OTC: variants seen among roughly 807,000 people sequenced by gnomAD.
The protein encoded by OTC is ornithine transcarbamylase.
OTC carries 3 observed loss-of-function variants against 30.3 expected under a neutral mutation model. The observed-to-expected ratio is 0.10, with a 90% confidence interval of 0.05 to 0.26. The LOEUF is 0.26. Among genes scored for constraint, OTC ranks in the 10% least tolerant of loss-of-function variants. The pLI, the probability that OTC is intolerant of heterozygous loss-of-function variation, is 1.00. For missense variants in OTC, 194 were observed against 260.3 expected (o/e 0.75, Z 1.75); for synonymous variants, 111 against 99.7 (o/e 1.11, Z -0.67).
intron 3 of OTC, among the ~76,000 whole-genome samples, chrX:38,372,283 T>G (rs1261050700): frequency 8.9e-6 from 1 of 111,763 alleles, no homozygotes; most frequent in African/African-American, 3.2e-5. Flanking sequence ...TCAATCCTCA[T>G]GGCAACTCTG....
intron 4 of OTC, among the ~76,000 whole-genome samples, chrX:38,399,960 C>A (rs1375979053): frequency 9.0e-6 from 1 of 111,401 alleles, no homozygotes; most frequent in East Asian, 2.8e-4. Flanking sequence ...TGTGGAGAAG[C>A]TTCCATCAGA....
At chrX:38,417,969 C>G (rs913461828) in intron 9 of OTC, among the ~76,000 whole-genome samples, 1 of 111,915 alleles carries the variant, frequency 8.9e-6, no homozygotes, top group Non-Finnish European at 1.9e-5. Flanking sequence ...TATCCCTGCA[C>G]CAGATTGGTT....
At chrX:38,367,477 T>G (rs765197868) in intron 2 of OTC, 48 bp downstream of exon 2, 1 of 1,093,976 alleles carries the variant, frequency 9.1e-7, no homozygotes, top group Admixed American at 2.3e-5. Context: ...GTCCCCTTTT[T>G]TTAAAGGCAG....
intron 1 of OTC, among the ~76,000 whole-genome samples, chrX:38,358,171 G>C (rs1284026749): frequency 9.0e-6 from 1 of 110,880 alleles, no homozygotes; most frequent in Non-Finnish European, 1.9e-5. Flanking sequence ...GAGGTCTCTA[G>C]GGGGAACTTA....
rs2068594978 is a variant in OTC, at chrX:38,421,380, T to G, written c.*298T>G. On this transcript the variant is annotated 3_prime_UTR_variant, in exon 10 of 10. Coordinates refer to ENST00000039007, the MANE Select transcript of OTC (RefSeq NM_000531.6). ...TCAACATAAAATACTGTGTTCATAA[T>G]GTATAATGTCTAAGCCATTAAGTGT... 3.6e-6 allele frequency: 1 copy of G among 275,697 alleles called. No individual in the cohort carries two copies. The highest frequency in any genetic ancestry group is 4.5e-5 in the South Asian group (1 of 22,411). The allele number at this position is 275,697 out of a possible 1,213,427, so 22.7% of individuals were successfully genotyped here.
upstream of OTC, among the ~76,000 whole-genome samples, chrX:38,349,599 C>T (rs1014806799): frequency 1.8e-5 from 2 of 112,632 alleles, no homozygotes; most frequent in East Asian, 2.8e-4. Flanking sequence ...CTGCAGATGC[C>T]GGAACCATTC....
chrX:38,364,455 A>T (rs1422913720), intron 1 of OTC, among the ~76,000 whole-genome samples: 2 of 112,064 alleles, frequency 1.8e-5, no homozygotes, highest in Non-Finnish European at 3.8e-5. Context: ...TGAAAACAGT[A>T]ATTTCTATTT....
At chrX:38,378,838 C>G in intron 3 of OTC, among the ~76,000 whole-genome samples, 1 of 111,601 alleles carries the variant, frequency 9.0e-6, no homozygotes, top group East Asian at 2.8e-4. Flanking sequence ...GATAGTAGGT[C>G]TGGTTTCCAA....
chrX:38,364,361 G>A (rs1222661691), intron 1 of OTC, among the ~76,000 whole-genome samples: 1 of 111,980 alleles, frequency 8.9e-6, no homozygotes, highest in Admixed American at 9.5e-5. Context: ...GAGAGCCCAT[G>A]ACTCACATAT....
the OTC span, among the ~76,000 whole-genome samples, chrX:38,331,636 G>A: frequency 9.3e-6 from 1 of 108,045 alleles, no homozygotes; most frequent in Admixed American, 1.0e-4. Context: ...AGGCTGAAGT[G>A]CAGTGGCGCA....
chrX:38,331,824 C>T, the OTC span, among the ~76,000 whole-genome samples: 5 of 111,027 alleles, frequency 4.5e-5, no homozygotes, highest in African/African-American at 1.6e-4. Flanking sequence ...TCAAGCAATC[C>T]GCCTACCTCA....
chrX:38,342,065 G>A, the OTC span, among the ~76,000 whole-genome samples: 7 of 90,079 alleles, frequency 7.8e-5, no homozygotes, highest in Middle Eastern at 6.3e-3. Context: ...TGTCGCCCAG[G>A]CTAGAGAGCA....
the OTC span, among the ~76,000 whole-genome samples, chrX:38,347,562 A>G: frequency 8.9e-6 from 1 of 112,295 alleles, no homozygotes; most frequent in Admixed American, 9.4e-5. Flanking sequence ...CCAGCTATAA[A>G]AATTATTTAT....
chrX:38,353,102 C>T (rs776696914), intron 1 of OTC, among the ~76,000 whole-genome samples: 1 of 112,033 alleles, frequency 8.9e-6, no homozygotes, highest in East Asian at 2.8e-4. Flanking sequence ...TATATTTGGG[C>T]TTGCTATAAA....
chrX:38,403,676 T>C lies in OTC; in HGVS notation c.599T>C (p.Ile200Thr). The C allele has an allele frequency of 8.3e-7, 1 of 1,207,352 alleles. No homozygotes were observed. Among genetic ancestry groups the C allele is most frequent in the Non-Finnish European group, 1.1e-6 (1 of 891,415 alleles). Residue 200 changes from isoleucine (I) to threonine (T), a missense_variant, in exon 6 of 10, where the codon ATC (isoleucine) becomes ACC (threonine). Physicochemically the swap from Ile to Thr is moderately conservative, Grantham distance 89 (BLOSUM62 -1). Coordinates refer to ENST00000039007, the MANE Select transcript of OTC (RefSeq NM_000531.6). ...AGCTGGATCGGGGATGGGAACAATA[T>C]CCTGCACTCCATCATGATGAGCGCA... ...TLSWIGDGNN[I>T]LHSIMMSAAK...
chrX:38,379,494 G>A (rs2068365452), intron 3 of OTC, among the ~76,000 whole-genome samples: 1 of 112,038 alleles, frequency 8.9e-6, no homozygotes, highest in Non-Finnish European at 1.9e-5. Context: ...TCAGAACATG[G>A]TGGTCTCTAG....
intron 4 of OTC, among the ~76,000 whole-genome samples, chrX:38,392,716 C>G: frequency 9.0e-6 from 1 of 111,674 alleles, no homozygotes; most frequent in Non-Finnish European, 1.9e-5. Context: ...GAGCTGCTCC[C>G]TCTCCACCCC....
At position 38,411,991 on chromosome X, in the gene OTC, A is replaced by G; in HGVS notation, c.997A>G (p.Thr333Ala). The G allele has an allele frequency of 1.7e-6, 2 of 1,210,729 alleles. No individual in the cohort carries two copies. Among genetic ancestry groups the G allele is most frequent in the Non-Finnish European group, 2.2e-6 (2 of 894,533 alleles). ...CCCAGAGGCAGAAAACAGAAAGTGG[A>G]CAATCATGGTAAGCAAGAAACAAGG... ...VFPEAENRKWTIMAVMVSLLT... is the reference protein window; with the variant it reads ...VFPEAENRKWAIMAVMVSLLT... The change falls in exon 9 of 10, where the codon ACA becomes GCA. Residue 333 changes from threonine (T) to alanine (A), a missense_variant. Physicochemically the swap from Thr to Ala is moderately conservative, Grantham distance 58. Transcript: ENST00000039007.
At chrX:38,385,138 C>T (rs1425253615) in intron 4 of OTC, among the ~76,000 whole-genome samples, 3 of 111,003 alleles carry the variant, frequency 2.7e-5, no homozygotes, top group Non-Finnish European at 5.7e-5. Context: ...GGTGTGGTGG[C>T]GGGCACCTGT....
Sources: allele counts gnomAD v4.1 joint callset (sites outside exome capture counted in the v4.1 genomes callset), GRCh38; gene constraint gnomAD v4.1.1; transcripts MANE v1.5; gene names NCBI Gene and HGNC (gene_info 2026-07-23, HGNC 2026-07-21).